The following SEC23B variants were observed in gnomAD, a reference collection of about 807,000 sequenced individuals.
SEC23B encodes SEC23 homolog B, COPII component, also known as protein transport protein Sec23B.
Under a neutral mutation model 104.3 loss-of-function variants are expected in SEC23B, and 77 were observed. The observed-to-expected ratio is 0.74, with a 90% CI of 0.61 to 0.89. The LOEUF is 0.89. Among genes scored for constraint, SEC23B ranks in the 40% least tolerant of loss-of-function variants. The pLI, the probability that SEC23B is intolerant of heterozygous loss-of-function variation, is 0.00. For missense variants in SEC23B, 885 were observed against 949.4 expected (o/e 0.93, Z 0.89); for synonymous variants, 338 against 332.5 (o/e 1.02, Z -0.18).
rs1222210978 is a variant in SEC23B at position 18,528,943 on chromosome 20, C to A, written c.1109+1332C>A. ...AAAGGCAAGGTGATTCCAGGCTGTG[C>A]TATAGGAGAAGATTATCTTCAGGGA... On this transcript the variant is annotated intron_variant, in intron 9 of 19. Coordinates refer to ENST00000650089, the MANE Select transcript of SEC23B (RefSeq NM_006363.6). 1.3e-5 allele frequency among the ~76,000 whole-genome samples: 2 copies of A among 152,142 alleles called. 1 individual carries two copies. Among genetic ancestry groups the A allele is most frequent in the Admixed American group, 1.3e-4 (2 of 15,272 alleles).
At chr20:18,536,735 C>T (rs1352114467) in intron 12 of SEC23B, among the ~76,000 whole-genome samples, 2 of 151,690 alleles carry the variant, frequency 1.3e-5, no homozygotes, top group African/African-American at 4.8e-5. Context: ...TCCCCCAAAA[C>T]TTAACTACTA....
At chr20:18,535,960 A>C (rs1241766271) in intron 12 of SEC23B, among the ~76,000 whole-genome samples, 1 of 152,230 alleles carries the variant, frequency 6.6e-6, no homozygotes, top group Non-Finnish European at 1.5e-5. Flanking sequence ...TGTTGAACTG[A>C]TAAGGTCATT....
intron 14 of SEC23B, among the ~76,000 whole-genome samples, chr20:18,544,868 A>G (rs186348060): frequency 2.6e-5 from 4 of 152,160 alleles, no homozygotes; most frequent in Admixed American, 2.0e-4. Flanking sequence ...ACTTGATGAA[A>G]TGATTCTGTG....
chr20:18,519,041 C>T (rs779926909), intron 4 of SEC23B, among the ~76,000 whole-genome samples: 6 of 152,120 alleles, frequency 3.9e-5, no homozygotes, highest in Non-Finnish European at 7.4e-5. Flanking sequence ...GTAGTGGAGC[C>T]GGGCAGAGTG....
intron 1 of SEC23B, chr20:18,510,027 T>C (rs2059967587): frequency 6.6e-6 from 1 of 152,084 alleles, no homozygotes; most frequent in South Asian, 2.1e-4. Context: ...GAACCAAACT[T>C]GAAGATCAGT....
intron 19 of SEC23B, among the ~76,000 whole-genome samples, chr20:18,556,468 G>A (rs6035071): frequency 0.13 from 19,505 of 152,134 alleles, 1,348 homozygotes; most frequent in Admixed American, 0.18. Context: ...TTCCTGAGTC[G>A]CTTACTACTC....
chr20:18,543,635 C>T (rs1482636001), intron 14 of SEC23B, among the ~76,000 whole-genome samples: 3 of 152,150 alleles, frequency 2.0e-5, no homozygotes, highest in Non-Finnish European at 4.4e-5. Context: ...CAGTGAGGGA[C>T]TGGCTAGAAG....
intron 4 of SEC23B, among the ~76,000 whole-genome samples, chr20:18,519,121 C>G (rs983556896): frequency 6.6e-6 from 1 of 152,054 alleles, no homozygotes; most frequent in Non-Finnish European, 1.5e-5. Context: ...GCGATTAGGC[C>G]TGGTGGAACT....
chr20:18,561,375 CTCATTT>C lies in SEC23B; in HGVS notation c.*639_*644del, dbSNP rs2060491378. 6.6e-6 allele frequency: 1 copy of C among 152,360 alleles called. No homozygotes were observed. Among genetic ancestry groups the C allele is most frequent in the Non-Finnish European group, 1.5e-5 (1 of 68,212 alleles). The allele number at this position is 152,360 out of a possible 1,614,324, so 9.4% of individuals were successfully genotyped here. ...TTTAATTTTAGCCCATGTCTCAATT[CTCATTT>C]TCAAAGAATCAATATATTAATATAC... On this transcript the variant is annotated 3_prime_UTR_variant, in exon 20 of 20. Coordinates refer to ENST00000650089, the MANE Select transcript of SEC23B (RefSeq NM_006363.6).
chr20:18,508,716 CTTTTT>C (rs398035473), intron 1 of SEC23B, among the ~76,000 whole-genome samples: 6 of 97,478 alleles, frequency 6.2e-5, no homozygotes, highest in Non-Finnish European at 3.8e-5. Context: ...GCAGTAGCTT[CTTTTT>C]TTTTTTTTTT....
intron 9 of SEC23B, among the ~76,000 whole-genome samples, chr20:18,529,180 G>A (rs1313892002): frequency 1.3e-5 from 2 of 152,358 alleles, no homozygotes; most frequent in East Asian, 1.9e-4. Flanking sequence ...TGTGAGAACT[G>A]TATTCAGCAG....
intron 4 of SEC23B, 23 bp from the exon 5 acceptor site, chr20:18,524,410 A>T: frequency 6.5e-7 from 1 of 1,536,376 alleles, no homozygotes; most frequent in Non-Finnish European, 9.0e-7. Context: ...ATTGATCATT[A>T]TGCTGTTTTT....
In SEC23B at chr20:18,532,651, A is replaced by C. The variant is rs200932810; in HGVS notation, c.1234-13A>C. The stretch of plus-strand genomic sequence containing the variant: ...GTGATCTTTAACTTTACACTGTCAC[A>C]TATTTGTTATAGACCTCTCGGGAAC... On this transcript the variant is annotated splice_polypyrimidine_tract_variant and intron_variant, in intron 10 of 19. Transcript: ENST00000650089. 33 of 1,596,666 alleles carry C rather than the reference A, an allele frequency of 2.1e-5. No homozygotes were observed. The highest frequency in any genetic ancestry group is 6.7e-5 in the African/African-American group (5 of 74,618).
intron 17 of SEC23B, among the ~76,000 whole-genome samples, chr20:18,552,792 C>T (rs905696505): frequency 2.6e-5 from 4 of 152,000 alleles, no homozygotes; most frequent in Non-Finnish European, 2.9e-5. Flanking sequence ...CCAGCCTGGA[C>T]GACAGAGTGA....
At chr20:18,554,472 A>C in intron 18 of SEC23B, 82 bp downstream of exon 18, 1 of 1,497,206 alleles carries the variant, frequency 6.7e-7, no homozygotes. Context: ...CAGGATGGTT[A>C]ATATTTTATG....
intron 17 of SEC23B, among the ~76,000 whole-genome samples, chr20:18,551,837 TTATACATACTGCTGTTCTTTCAGAGTTA>T (rs1726159277): frequency 1.3e-5 from 2 of 152,196 alleles, no homozygotes; most frequent in Admixed American, 6.5e-5. Context: ...AGTAAATATT[TTATACATACTGCTGTTCTTTCAGAGTTA>T]TATACATACT....
At position 18,561,319 on chromosome 20, in the gene SEC23B, C is replaced by G. The variant is rs1265266798; in HGVS notation, c.*579C>G. ...CTTTTTGAAGATAACTGCTTTTAAC[C>G]TCTCCTTACAAGATTTTTGTTGTTG... On this transcript the variant is annotated 3_prime_UTR_variant, in exon 20 of 20. Coordinates refer to ENST00000650089, the MANE Select transcript of SEC23B (RefSeq NM_006363.6). 6.5e-6 allele frequency: 1 copy of G among 152,872 alleles called. No individual in the cohort carries two copies. Among genetic ancestry groups the G allele is most frequent in the Non-Finnish European group, 1.5e-5 (1 of 68,542 alleles). 9.5% of individuals were successfully genotyped at this position (152,872 alleles called of 1,614,324 possible). A position where few individuals can be genotyped will look rare whatever the true frequency, so the allele number is the denominator to read the frequency against.
chr20:18,522,174 A>G (rs888553983), intron 4 of SEC23B, among the ~76,000 whole-genome samples: 4 of 152,210 alleles, frequency 2.6e-5, no homozygotes, highest in Non-Finnish European at 5.9e-5. Context: ...GGGAGCAGCC[A>G]TGGGCTGCAA....
chr20:18,522,091 T>TG (rs2060088994), intron 4 of SEC23B, among the ~76,000 whole-genome samples: 1 of 151,870 alleles, frequency 6.6e-6, no homozygotes, highest in African/African-American at 2.4e-5. Context: ...AAGAAGGGAA[T>TG]GGAGGGCGGA....
Sources: allele counts gnomAD v4.1 joint callset (sites outside exome capture counted in the v4.1 genomes callset), GRCh38; gene constraint gnomAD v4.1.1; transcripts MANE v1.5; gene names NCBI Gene and HGNC (gene_info 2026-07-23, HGNC 2026-07-21).